The following VWF variants were observed in gnomAD, a reference collection of about 807,000 sequenced individuals.
VWF encodes the protein von Willebrand factor.
Under a neutral mutation model 308.6 loss-of-function variants are expected in VWF, and 176 were observed. The observed-to-expected ratio is 0.57, with a 90% confidence interval of 0.50 to 0.65. The LOEUF (loss-of-function observed/expected upper bound fraction) is 0.65. Among genes scored for constraint, VWF ranks in the 30% least tolerant of loss-of-function variants. The pLI is 0.00. For missense variants in VWF, 3,146 were observed against 3,648.2 expected (o/e 0.86, Z 3.55); for synonymous variants, 1,385 against 1,443.4 (o/e 0.96, Z 0.92).
chr12:5,964,040 T>C (rs1490486544), intron 47 of VWF, among the ~76,000 whole-genome samples: 1 of 151,910 alleles, frequency 6.6e-6, no homozygotes, highest in African/African-American at 2.4e-5. Flanking sequence ...ACCCCGTCTC[T>C]ACTAAAAATA....
Position 6,019,805 on chromosome 12 carries a change from C to T in VWF, c.3675-62G>A. On this transcript the variant is annotated intron_variant, in intron 27 of 51. Transcript: ENST00000261405. The surrounding 1 kb of genome is among the most constrained non-coding windows in gnomAD (Gnocchi z 5.8). ...AAGAACCTGTGGACACTTCTGAGCC[C>T]TACAGTGTACAATGACTTCCATATT... 2 of 1,528,524 alleles carry T rather than the reference C, an allele frequency of 1.3e-6. No homozygotes were observed. Among genetic ancestry groups the T allele is most frequent in the Non-Finnish European group, 1.8e-6 (2 of 1,130,764 alleles). 94.7% of individuals were successfully genotyped at this position (1,528,524 alleles called of 1,614,324 possible).
chr12:5,971,714 A>G lies in VWF; in HGVS notation c.7438-5T>C. The stretch of plus-strand genomic sequence containing the variant: ...ATGCAGAACGTAAGTGAAGCCCTGG[A>G]AAAGCAGAAAAAACAGAGTAAGGAC... On this transcript the variant is annotated splice_polypyrimidine_tract_variant and splice_region_variant and intron_variant, in intron 43 of 51. Coordinates refer to ENST00000261405, the MANE Select transcript of VWF (RefSeq NM_000552.5). The G allele has an allele frequency of 6.2e-7, 1 of 1,613,620 alleles. No individual in the cohort carries two copies. Among genetic ancestry groups the G allele is most frequent in the African/African-American group, 1.3e-5 (1 of 75,054 alleles).
intron 12 of VWF, 128 bp downstream of exon 12, chr12:6,064,118 T>C: frequency 6.7e-7 from 1 of 1,490,038 alleles, no homozygotes; most frequent in South Asian, 1.2e-5. Context: ...CCTCCAAAAA[T>C]AACTCTCCAT....
chr12:6,037,126 T>C (rs967845447), intron 18 of VWF, among the ~76,000 whole-genome samples: 4 of 152,206 alleles, frequency 2.6e-5, no homozygotes, highest in African/African-American at 7.2e-5. Flanking sequence ...CAAATGTATA[T>C]ATATTTCACA....
rs1056287878 is a variant in VWF, at chr12:6,075,752, A to C, written c.658-201T>G. Among the ~76,000 whole-genome samples, 1 of 152,244 alleles carries C rather than the reference A, an allele frequency of 6.6e-6. No individual in the cohort carries two copies. The highest frequency in any genetic ancestry group is 2.4e-5 in the African/African-American group (1 of 41,460). ...GGACCCGTGCAATGTGAAGTAGACC[A>C]AGGCTAAGGTTACATCCTAGACTGA... On this transcript the variant is annotated intron_variant, in intron 6 of 51. Coordinates refer to ENST00000261405, the MANE Select transcript of VWF (RefSeq NM_000552.5). The surrounding 1 kb of genome is among the most constrained non-coding windows in gnomAD (Gnocchi z 4.7).
intron 15 of VWF, among the ~76,000 whole-genome samples, chr12:6,055,761 T>TATACACACACAC (rs1555198146): frequency 1.5e-5 from 2 of 135,246 alleles, no homozygotes; most frequent in Non-Finnish European, 3.1e-5. Flanking sequence ...TATATATGTA[T>TATACACACACAC]ACACACACAC....
chr12:6,078,059 T>A (rs574654026), intron 6 of VWF, among the ~76,000 whole-genome samples: 5 of 151,920 alleles, frequency 3.3e-5, no homozygotes, highest in Non-Finnish European at 7.4e-5. Flanking sequence ...CATCATCATC[T>A]TCATCATCTC....
At position 6,071,355 on chromosome 12, in the gene VWF, A is replaced by G. The variant is rs1477238416; in HGVS notation, c.1110-12T>C. ...TGTTTCGGCAAATGCTGTTGGAGGG[A>G]AAAAGCACAGGTCATTGGTGGTTCT... On this transcript the variant is annotated splice_polypyrimidine_tract_variant and intron_variant, in intron 9 of 51. Transcript: ENST00000261405. 5 of 1,613,984 alleles carry G rather than the reference A, an allele frequency of 3.1e-6. No individual in the cohort carries two copies. The highest frequency in any genetic ancestry group is 1.6e-4 in the Middle Eastern group (1 of 6,082).
Position 5,985,124 on chromosome 12 carries a change from A to T in VWF, c.6902-5T>A, listed in dbSNP as rs112046757. 4,201 of 1,614,132 alleles carry T rather than the reference A, an allele frequency of 2.6e-3. 92 individuals carry two copies. The African/African-American group carries it at 0.048, about 18-fold the overall frequency. On this transcript the variant is annotated splice_region_variant and splice_polypyrimidine_tract_variant and intron_variant, in intron 39 of 51. Coordinates refer to ENST00000261405, the MANE Select transcript of VWF (RefSeq NM_000552.5). ...CACACAGGCCACACGTGGGAGCTAG[A>T]GGAGAGGAACGGCCACAAAAGTCAG... is the stretch of plus-strand genomic sequence containing the variant.
chr12:5,957,891 T>A (rs1377861503), intron 47 of VWF, among the ~76,000 whole-genome samples: 1 of 152,188 alleles, frequency 6.6e-6, no homozygotes, highest in Non-Finnish European at 1.5e-5. Flanking sequence ...AATGACTGTT[T>A]AAAGCAAAAA....
Position 6,018,584 on chromosome 12 carries a change from C to G in VWF, c.4834G>C (p.Ala1612Pro), listed in dbSNP as rs1591862118. The G allele has an allele frequency of 6.2e-7, 1 of 1,614,148 alleles. No homozygotes were observed. Among genetic ancestry groups the G allele is most frequent in the Non-Finnish European group, 8.5e-7 (1 of 1,180,014 alleles). Residue 1612 changes from alanine (A) to proline (P), a missense_variant, in exon 28 of 52, where the codon GCC becomes CCC. Ala to Pro is a conservative substitution (Grantham distance 27, BLOSUM62 -1). Around this residue, in one of 3 missense-constraint regions of VWF, gnomAD observed 853 missense variants for 1,177.8 expected, o/e 0.72. Coordinates refer to ENST00000261405, the MANE Select transcript of VWF (RefSeq NM_000552.5). ...NLVYMVTGNP[A>P]SDEIKRLPGD... ...GGCAGCCTCTTGATCTCATCAGAGGCAGGATTTCCGGTGACCATGTAGACC... is the reference window on the plus strand; with the variant it reads ...GGCAGCCTCTTGATCTCATCAGAGGGAGGATTTCCGGTGACCATGTAGACC...
chr12:5,969,202 A>G lies in VWF; in HGVS notation c.7729+9T>C. 6.2e-7 allele frequency: 1 copy of G among 1,610,542 alleles called. No individual in the cohort carries two copies. The highest frequency in any genetic ancestry group is 8.5e-7 in the Non-Finnish European group (1 of 1,178,294). On this transcript the variant is annotated intron_variant, in intron 45 of 51. Coordinates refer to ENST00000261405, the MANE Select transcript of VWF (RefSeq NM_000552.5). ...CCGGTCCAGCCCAGCCCCAGCCTGC[A>G]TGCCTTACCACAGCGACAGCTTGGG...
At chr12:5,968,917 G>A (rs1309789726) in intron 45 of VWF, among the ~76,000 whole-genome samples, 1 of 152,172 alleles carries the variant, frequency 6.6e-6, no homozygotes, top group African/African-American at 2.4e-5. Context: ...GCGTTGGGGT[G>A]GCAAGTTGAA....
intron 3 of VWF, among the ~76,000 whole-genome samples, chr12:6,118,376 CTTTTTTTTTT>C (rs71064189): frequency 6.1e-5 from 4 of 65,484 alleles, no homozygotes; most frequent in African/African-American, 2.0e-4. Context: ...CCTCTGGTCA[CTTTTTTTTTT>C]TTTTTTTTTT....
intron 6 of VWF, among the ~76,000 whole-genome samples, chr12:6,078,071 T>C (rs1056057715): frequency 2.6e-5 from 4 of 152,176 alleles, no homozygotes; most frequent in Admixed American, 1.3e-4. Context: ...CATCATCTCC[T>C]GGCCTCCAGA....
chr12:6,095,337 A>C, intron 6 of VWF, 123 bp downstream of exon 6: 1 of 1,481,190 alleles, frequency 6.8e-7, no homozygotes, highest in Non-Finnish European at 9.4e-7. Flanking sequence ...TTAGTTTTGG[A>C]GGAAATGGCC....
chr12:6,034,976 A>T, intron 19 of VWF, 150 bp from the exon 20 acceptor site: 1 of 946,242 alleles, frequency 1.1e-6, no homozygotes, highest in Non-Finnish European at 1.6e-6. Flanking sequence ...TGTAGCGTGG[A>T]GTGTGGACTT....
chr12:6,014,900 G>A (rs1466881579), intron 31 of VWF, among the ~76,000 whole-genome samples: 1 of 152,200 alleles, frequency 6.6e-6, no homozygotes, highest in Admixed American at 6.5e-5. Flanking sequence ...GATCATATCT[G>A]CTTCAAGACC....
chr12:5,994,568 C>G lies in VWF; in HGVS notation c.6103G>C (p.Gly2035Arg), dbSNP rs778887346. 1 of 1,613,896 alleles carries G rather than the reference C, an allele frequency of 6.2e-7. No homozygotes were observed. The highest frequency in any genetic ancestry group is 1.7e-5 in the Admixed American group (1 of 60,010). ...NGRLVSVPYV[G>R]GNMEVNVYGA... ...TAAACGTTGACTTCCATGTTCCCAC[C>G]CACGTAAGGAACAGAGACCAGTCTC... The change falls in exon 36 of 52, where the codon GGT becomes CGT. Residue 2035 changes from glycine (G) to arginine (R), a missense_variant. By Grantham distance (125) the Gly-to-Arg change is moderately radical. Around this residue, in one of 3 missense-constraint regions of VWF, gnomAD observed 989 missense variants for 1,117.4 expected, o/e 0.89. Coordinates refer to ENST00000261405, the MANE Select transcript of VWF (RefSeq NM_000552.5).
Sources: allele counts gnomAD v4.1 joint callset (sites outside exome capture counted in the v4.1 genomes callset), GRCh38; gene constraint gnomAD v4.1.1; regional missense constraint gnomAD v4.1.1; non-coding constraint Gnocchi (gnomAD v3.1); transcripts MANE v1.5; gene names NCBI Gene and HGNC (gene_info 2026-07-23, HGNC 2026-07-21).